The following WDR7 variants were observed in gnomAD, a reference collection of about 807,000 sequenced individuals.
WDR7 encodes the protein WD repeat-containing protein 7.
WDR7 carries 46 observed loss-of-function variants against 169.4 expected under a neutral mutation model. That is an observed-to-expected ratio of 0.27 (90% CI 0.21 to 0.35). The LOEUF (loss-of-function observed/expected upper bound fraction) is 0.35. Among genes scored for constraint, WDR7 ranks in the 10% least tolerant of loss-of-function variants. The pLI is 1.00. For synonymous variants in WDR7, 612 were observed against 666.8 expected (o/e 0.92, Z 1.27); for missense variants, 1,534 against 1,859.3 (o/e 0.83, Z 3.22).
intron 22 of WDR7, among the ~76,000 whole-genome samples, chr18:56,931,633 G>A (rs80007624): frequency 0.054 from 8,220 of 152,182 alleles, 714 homozygotes; most frequent in African/African-American, 0.18. Flanking sequence ...AATTAGTAAG[G>A]CCTGGCAAAA....
intron 27 of WDR7, 80 bp from the exon 28 acceptor site, chr18:57,026,924 A>C: frequency 6.9e-7 from 1 of 1,441,570 alleles, no homozygotes; most frequent in Non-Finnish European, 9.5e-7. Context: ...GAAAGTAGCC[A>C]GGAGAGATCG....
intron 20 of WDR7, among the ~76,000 whole-genome samples, chr18:56,835,360 G>C (rs915071803): frequency 6.6e-6 from 1 of 152,208 alleles, no homozygotes; most frequent in East Asian, 1.9e-4. Context: ...ATGTGCATTA[G>C]TGGACAGTGT....
chr18:56,773,915 C>T (rs546808749), intron 16 of WDR7, among the ~76,000 whole-genome samples: 4 of 151,942 alleles, frequency 2.6e-5, no homozygotes, highest in Non-Finnish European at 5.9e-5. Flanking sequence ...CTTCTCTCCC[C>T]TCACCCACCC....
chr18:56,935,912 G>A lies in WDR7; in HGVS notation c.3831+7G>A, dbSNP rs376435176. The A allele has an allele frequency of 1.4e-5, 23 of 1,609,510 alleles. No individual in the cohort carries two copies. The highest frequency in any genetic ancestry group is 6.6e-5 in the South Asian group (6 of 90,562). ...CACCACCATAGCCAAAGAGGTGAGC[G>A]GAACTTCTCAGTGTGCTCCATCTTC... On this transcript the variant is annotated splice_region_variant and intron_variant, in intron 23 of 27. Coordinates refer to ENST00000254442, the MANE Select transcript of WDR7 (RefSeq NM_015285.3).
intron 20 of WDR7, 152 bp downstream of exon 20, chr18:56,816,296 C>T: frequency 1.5e-6 from 1 of 645,280 alleles, no homozygotes; most frequent in Non-Finnish European, 2.5e-6. Context: ...GTTCAGTGTC[C>T]TCTTTAATTT....
At chr18:57,018,552 C>T (rs1340434397) in intron 26 of WDR7, among the ~76,000 whole-genome samples, 1 of 152,158 alleles carries the variant, frequency 6.6e-6, no homozygotes, top group Non-Finnish European at 1.5e-5. Flanking sequence ...AACAGAGGCC[C>T]AGTATTGTCC....
At chr18:57,019,827 GC>G (rs2048261848) in intron 26 of WDR7, among the ~76,000 whole-genome samples, 1 of 151,998 alleles carries the variant, frequency 6.6e-6, no homozygotes, top group African/African-American at 2.4e-5. Context: ...TAGTTTAAGG[GC>G]ACACATTTCC....
intron 21 of WDR7, among the ~76,000 whole-genome samples, chr18:56,903,789 A>G (rs548139746): frequency 6.6e-6 from 1 of 152,298 alleles, no homozygotes; most frequent in African/African-American, 2.4e-5. Flanking sequence ...ATGGACCACA[A>G]GTAGATTCCT....
intron 20 of WDR7, among the ~76,000 whole-genome samples, chr18:56,863,927 C>G (rs1047510461): frequency 4.0e-5 from 6 of 151,772 alleles, no homozygotes; most frequent in Admixed American, 6.6e-5. Flanking sequence ...AATCTCAATA[C>G]TGCATGTAAA....
chr18:56,786,129 A>T (rs2044395818), intron 19 of WDR7, among the ~76,000 whole-genome samples: 1 of 152,092 alleles, frequency 6.6e-6, no homozygotes, highest in Non-Finnish European at 1.5e-5. Flanking sequence ...ACTTTAATTT[A>T]TATTGCCCAG....
intron 12 of WDR7, 150 bp downstream of exon 12, chr18:56,696,612 A>G (rs950947579): frequency 9.9e-5 from 69 of 699,584 alleles, no homozygotes; most frequent in Non-Finnish European, 1.4e-4. Context: ...AATAATAGTA[A>G]CATTTAGGCA....
chr18:57,013,579 TA>T (rs1293888673), intron 26 of WDR7, among the ~76,000 whole-genome samples: 1 of 152,198 alleles, frequency 6.6e-6, no homozygotes, highest in Non-Finnish European at 1.5e-5. Flanking sequence ...TGAGAATTAG[TA>T]AATTGGAGAA....
At chr18:56,686,100 T>C in intron 6 of WDR7, 68 bp downstream of exon 6, 1 of 1,311,848 alleles carries the variant, frequency 7.6e-7, no homozygotes, top group South Asian at 1.4e-5. Flanking sequence ...TTAGTAATGA[T>C]ATGCCCCTTC....
chr18:56,966,366 T>G (rs1007591816), intron 26 of WDR7, among the ~76,000 whole-genome samples: 5 of 152,104 alleles, frequency 3.3e-5, no homozygotes, highest in African/African-American at 4.8e-5. Flanking sequence ...CCAACCCCTC[T>G]TCTTCATCCT....
intron 25 of WDR7, among the ~76,000 whole-genome samples, chr18:56,954,700 G>A (rs1034395113): frequency 1.3e-5 from 2 of 152,002 alleles, no homozygotes; most frequent in African/African-American, 4.8e-5. Flanking sequence ...ATGAGTGTGT[G>A]TTTCTTTAAA....
chr18:56,726,197 T>C (rs905439785), intron 13 of WDR7, among the ~76,000 whole-genome samples: 42 of 152,310 alleles, frequency 2.8e-4, no homozygotes, highest in South Asian at 2.3e-3. Flanking sequence ...AGAAAGTCAT[T>C]GGTAGCTTGA....
intron 19 of WDR7, chr18:56,782,268 G>T (rs1247489952): frequency 6.6e-6 from 1 of 152,060 alleles, no homozygotes; most frequent in Non-Finnish European, 1.5e-5. Flanking sequence ...GTTGTATTTT[G>T]CTATCATAAT....
chr18:56,684,284 C>T (rs981671138), intron 5 of WDR7, among the ~76,000 whole-genome samples: 3 of 152,118 alleles, frequency 2.0e-5, no homozygotes, highest in South Asian at 2.1e-4. Flanking sequence ...CTTGAAAGCC[C>T]TGTGTATCAG....
chr18:56,781,702 GAAAAGGTACCTGTACTCAC>G, intron 19 of WDR7, 46 bp downstream of exon 19: 1 of 1,482,522 alleles, frequency 6.7e-7, no homozygotes, highest in African/African-American at 1.4e-5. Context: ...GGAATATGTA[GAAAAGGTACCTGTACTCAC>G]AAATATATAT....
Sources: allele counts gnomAD v4.1 joint callset (sites outside exome capture counted in the v4.1 genomes callset), GRCh38; gene constraint gnomAD v4.1.1; transcripts MANE v1.5; gene names NCBI Gene and HGNC (gene_info 2026-07-23, HGNC 2026-07-21).